Variants in ERC2 observed in about 807,000 individuals in gnomAD.
The protein encoded by ERC2 is ELKS/RAB6-interacting/CAST family member 2.
In ERC2, 42 loss-of-function variants were observed where a neutral mutation model predicts 114.8. The observed-to-expected ratio is 0.37, with a 90% CI of 0.29 to 0.47. The LOEUF is 0.47. ERC2 is among the 20% of genes least tolerant of loss of function. The probability of loss-of-function intolerance (pLI) is 0.99; values close to 1 mark genes in which losing one functional copy is unlikely to be tolerated. For missense variants in ERC2, 939 were observed against 1,150.7 expected, an observed-to-expected ratio of 0.82 and a Z score of 2.66; for synonymous variants, 454 against 425.5, an observed-to-expected ratio of 1.07 and a Z score of -0.82.
chr3:56,332,152 GCACA>G (rs4061143), intron 2 of ERC2, among the ~76,000 whole-genome samples: 10 of 151,438 alleles, frequency 6.6e-5, no homozygotes, highest in African/African-American at 9.7e-5. Flanking sequence ...ACACACATGT[GCACA>G]CACACACACA....
chr3:56,322,654 C>T (rs1560590945), intron 2 of ERC2, among the ~76,000 whole-genome samples: 2 of 152,276 alleles, frequency 1.3e-5, no homozygotes, highest in African/African-American at 2.4e-5. Flanking sequence ...AGCATTATAA[C>T]TGTCCCAGCC....
chr3:55,964,806 G>A (rs1053206378), intron 12 of ERC2, among the ~76,000 whole-genome samples: 6 of 152,170 alleles, frequency 3.9e-5, no homozygotes, highest in Admixed American at 1.3e-4. Context: ...CATTCAGGTC[G>A]TTGGCAGGAT....
intron 3 of ERC2, among the ~76,000 whole-genome samples, chr3:56,271,690 C>T (rs1176971445): frequency 1.3e-5 from 2 of 152,082 alleles, no homozygotes; most frequent in East Asian, 3.8e-4. Context: ...GTTTGGTGTA[C>T]AGATTATTTC....
At chr3:56,460,674 C>A (rs1179576185) in intron 1 of ERC2, among the ~76,000 whole-genome samples, 1 of 152,190 alleles carries the variant, frequency 6.6e-6, no homozygotes, top group South Asian at 2.1e-4. Flanking sequence ...TAGTAAGGAA[C>A]TATCTGTTGT....
At chr3:55,812,060 G>C (rs2059739998) in intron 14 of ERC2, among the ~76,000 whole-genome samples, 1 of 152,122 alleles carries the variant, frequency 6.6e-6, no homozygotes, top group South Asian at 2.1e-4. Flanking sequence ...CCTTCCCTGT[G>C]TCCATGTGTT....
intron 13 of ERC2, among the ~76,000 whole-genome samples, chr3:55,931,304 T>G (rs1303974178): frequency 6.6e-6 from 1 of 152,224 alleles, no homozygotes; most frequent in East Asian, 1.9e-4. Flanking sequence ...CCTGCACATG[T>G]ATGTTTATTC....
intron 3 of ERC2, among the ~76,000 whole-genome samples, chr3:56,198,889 G>T (rs185513817): frequency 6.6e-6 from 1 of 152,128 alleles, no homozygotes; most frequent in African/African-American, 2.4e-5. Context: ...CCTTGGGGCC[G>T]CCAGCCCACT....
At chr3:56,165,337 T>C (rs2082266383) in intron 4 of ERC2, among the ~76,000 whole-genome samples, 2 of 152,024 alleles carry the variant, frequency 1.3e-5, no homozygotes, top group African/African-American at 4.8e-5. Flanking sequence ...TTTATTATTA[T>C]ACTTTAAGTT....
chr3:56,141,761 C>G (rs78554899), intron 5 of ERC2, among the ~76,000 whole-genome samples: 1 of 152,046 alleles, frequency 6.6e-6, no homozygotes, highest in Non-Finnish European at 1.5e-5. Flanking sequence ...AAATTTTTAA[C>G]CTTAATCTCC....
rs2072570653 is a variant in ERC2, at chr3:56,007,293, G to A, written c.1949C>T (p.Ala650Val). Residue 650 changes from alanine (A) to valine (V), a missense_variant, in exon 10 of 18, where the codon GCA (alanine) becomes GTA (valine). Around this residue, in one of 5 missense-constraint regions of ERC2, gnomAD observed 149 missense variants for 254.6 expected, o/e 0.59. Transcript: ENST00000288221. ...CAGCCCCGCAGAGGCTAATGAAGAT[G>A]CATGTTCTTTGAGGTCAATTAAACT... ...ESSLIDLKEH[A>V]SSLASAGLKR... 1.9e-6 allele frequency: 3 copies of A among 1,599,672 alleles called. No homozygotes were observed. The highest frequency in any genetic ancestry group is 2.7e-5 in the African/African-American group (2 of 74,662).
intron 6 of ERC2, among the ~76,000 whole-genome samples, chr3:56,122,267 A>G (rs1312041914): frequency 6.6e-6 from 1 of 152,132 alleles, no homozygotes; most frequent in African/African-American, 2.4e-5. Flanking sequence ...ATCCCATATG[A>G]TTTCATTATG....
At chr3:56,021,250 A>C (rs1471576720) in intron 7 of ERC2, among the ~76,000 whole-genome samples, 1 of 152,162 alleles carries the variant, frequency 6.6e-6, no homozygotes, top group Non-Finnish European at 1.5e-5. Flanking sequence ...AATCACAAGA[A>C]ATTTTAACTT....
intron 14 of ERC2, among the ~76,000 whole-genome samples, chr3:55,851,722 C>T (rs965791996): frequency 2.6e-5 from 4 of 151,802 alleles, no homozygotes; most frequent in African/African-American, 9.7e-5. Context: ...CCCATCTACT[C>T]TCATTAGAGT....
chr3:56,045,359 A>G (rs1424928030), intron 7 of ERC2, among the ~76,000 whole-genome samples: 1 of 152,184 alleles, frequency 6.6e-6, no homozygotes, highest in Non-Finnish European at 1.5e-5. Context: ...TTACTAATTT[A>G]GCATGTTTTT....
At chr3:56,145,376 G>C (rs2081082642) in intron 5 of ERC2, among the ~76,000 whole-genome samples, 1 of 152,110 alleles carries the variant, frequency 6.6e-6, no homozygotes, top group South Asian at 2.1e-4. Flanking sequence ...TAGGAACAAA[G>C]CCTTATACAG....
chr3:56,164,052 TTAAG>T (rs2082195482), intron 4 of ERC2, among the ~76,000 whole-genome samples: 1 of 151,994 alleles, frequency 6.6e-6, no homozygotes, highest in Non-Finnish European at 1.5e-5. Flanking sequence ...CTTGTAAGCC[TTAAG>T]TAAGCAAAGT....
chr3:56,199,412 G>A lies in ERC2; in HGVS notation c.1075-25892C>T, dbSNP rs536930864. On this transcript the variant is annotated intron_variant, in intron 3 of 17. Transcript: ENST00000288221. ...GTGTTCTGGAGCTGAGAAAACAAGG[G>A]GAGTGGTAATTAAGGGTTAGATCAT... 1.1e-4 allele frequency among the ~76,000 whole-genome samples: 16 copies of A among 152,120 alleles called. No individual in the cohort carries two copies. In the East Asian group the frequency reaches 2.9e-3, roughly 28 times the overall value.
intron 14 of ERC2, among the ~76,000 whole-genome samples, chr3:55,825,428 C>T (rs192623626): frequency 2.0e-5 from 3 of 152,284 alleles, no homozygotes; most frequent in African/African-American, 7.2e-5. Context: ...TCCAAGGGTA[C>T]AACACAATGT....
chr3:55,824,812 C>A (rs760389472), intron 14 of ERC2, among the ~76,000 whole-genome samples: 3 of 152,224 alleles, frequency 2.0e-5, no homozygotes, highest in Non-Finnish European at 4.4e-5. Flanking sequence ...CACTGTGGAT[C>A]CCGTTCTAAA....
Sources: allele counts gnomAD v4.1 joint callset (sites outside exome capture counted in the v4.1 genomes callset), GRCh38; gene constraint gnomAD v4.1.1; regional missense constraint gnomAD v4.1.1; transcripts MANE v1.5; gene names NCBI Gene and HGNC (gene_info 2026-07-23, HGNC 2026-07-21).